Variants in CACNA1E observed in about 807,000 individuals in gnomAD.
CACNA1E encodes calcium voltage-gated channel subunit alpha1 E.
A neutral mutation model predicts 259.2 loss-of-function variants in CACNA1E; 40 were observed. That is an observed-to-expected ratio of 0.15 (90% CI 0.12 to 0.20). The LOEUF (loss-of-function observed/expected upper bound fraction) is 0.20, where lower values mean the gene tolerates loss of function less well. CACNA1E is among the 10% of genes least tolerant of loss of function. CACNA1E has a pLI of 1.00. For synonymous variants in CACNA1E, 1,104 were observed against 1,138.5 expected, an observed-to-expected ratio of 0.97 and a Z score of 0.61; for missense variants, 1,874 against 3,040.1, an observed-to-expected ratio of 0.62 and a Z score of 9.02.
At chr1:181,761,013 C>T (rs186422631) in intron 32 of CACNA1E, among the ~76,000 whole-genome samples, 11 of 152,290 alleles carry the variant, frequency 7.2e-5, no homozygotes, top group Admixed American at 6.5e-4. Flanking sequence ...TTGAGGAATT[C>T]GGAGACTTAA....
chr1:181,606,359 CCTT>C (rs1654237419), intron 6 of CACNA1E, among the ~76,000 whole-genome samples: 2 of 152,122 alleles, frequency 1.3e-5, no homozygotes, highest in Non-Finnish European at 2.9e-5. Context: ...CTCACATTGT[CCTT>C]CTTTTTCCCT....
chr1:181,764,896 T>G (rs571181530), intron 34 of CACNA1E, among the ~76,000 whole-genome samples: 3 of 152,146 alleles, frequency 2.0e-5, no homozygotes, highest in Admixed American at 1.3e-4. Flanking sequence ...CATACACTAT[T>G]GAGGGCAAAG....
At chr1:181,535,378 A>G (rs1470059465) in intron 3 of CACNA1E, among the ~76,000 whole-genome samples, 1 of 135,532 alleles carries the variant, frequency 7.4e-6, no homozygotes, top group Non-Finnish European at 1.6e-5. Flanking sequence ...GGCAGCAAAG[A>G]GAAAAAATGT....
At chr1:181,534,810 A>C (rs1361818815) in intron 3 of CACNA1E, among the ~76,000 whole-genome samples, 4 of 152,192 alleles carry the variant, frequency 2.6e-5, no homozygotes, top group Non-Finnish European at 4.4e-5. Flanking sequence ...AGTAGAAGTA[A>C]GTCCTGACTT....
At chr1:181,337,263 C>T (rs922814747) in intron 1 of CACNA1E, among the ~76,000 whole-genome samples, 1 of 151,764 alleles carries the variant, frequency 6.6e-6, no homozygotes, top group Non-Finnish European at 1.5e-5. Flanking sequence ...TCACGCCATT[C>T]TCCTGCCTCA....
intron 1 of CACNA1E, among the ~76,000 whole-genome samples, chr1:181,353,263 G>A (rs572401014): frequency 6.8e-4 from 104 of 152,290 alleles, no homozygotes; most frequent in African/African-American, 2.3e-3. Flanking sequence ...TGTGGGTCAG[G>A]CTCTGGGGAT....
At chr1:181,510,651 C>A in intron 2 of CACNA1E, 69 bp downstream of exon 2, 3 of 986,948 alleles carry the variant, frequency 3.0e-6, no homozygotes, top group Non-Finnish European at 4.8e-6. Context: ...TCTGCTTTAT[C>A]ACTCTCCCAT....
chr1:181,717,928 C>A (rs1654055347), intron 11 of CACNA1E, 127 bp from the exon 12 acceptor site: 4 of 614,894 alleles, frequency 6.5e-6, no homozygotes, highest in Non-Finnish European at 1.2e-5. Context: ...CCAGCCCTGG[C>A]CTGATGTGGC....
At chr1:181,323,926 C>T (rs527640311) in intron 1 of CACNA1E, among the ~76,000 whole-genome samples, 1 of 152,328 alleles carries the variant, frequency 6.6e-6, no homozygotes, top group South Asian at 2.1e-4. Flanking sequence ...GCCTTCCAAC[C>T]TCAGAACCTG....
chr1:181,392,100 G>A (rs964216747), intron 1 of CACNA1E, among the ~76,000 whole-genome samples: 1 of 152,082 alleles, frequency 6.6e-6, no homozygotes. Flanking sequence ...GTCTGTGGTA[G>A]ATCAGCACAG....
intron 1 of CACNA1E, among the ~76,000 whole-genome samples, chr1:181,330,694 G>C (rs1039375673): frequency 2.0e-5 from 3 of 152,186 alleles, no homozygotes; most frequent in Non-Finnish European, 4.4e-5. Context: ...TGTCAGAAAA[G>C]CAAGAGCTAA....
At chr1:181,489,574 G>A (rs1377791500) in intron 1 of CACNA1E, among the ~76,000 whole-genome samples, 2 of 152,172 alleles carry the variant, frequency 1.3e-5, no homozygotes, top group Non-Finnish European at 2.9e-5. Flanking sequence ...ACCCAGCCCT[G>A]TTACATTTGA....
At chr1:181,324,255 G>GA (rs1324601361) in intron 1 of CACNA1E, among the ~76,000 whole-genome samples, 3 of 151,926 alleles carry the variant, frequency 2.0e-5, no homozygotes, top group African/African-American at 4.8e-5. Context: ...AGTAGATTTA[G>GA]AAAAAAAATC....
chr1:181,720,091 C>T (rs1024431812), intron 13 of CACNA1E, 115 bp from the exon 14 acceptor site: 13 of 1,281,526 alleles, frequency 1.0e-5, no homozygotes, highest in African/African-American at 1.5e-5. Context: ...TCTTTACTTC[C>T]TACAAATATA....
intron 3 of CACNA1E, among the ~76,000 whole-genome samples, chr1:181,524,869 G>A (rs755331751): frequency 6.6e-6 from 1 of 152,276 alleles, no homozygotes; most frequent in Non-Finnish European, 1.5e-5. Flanking sequence ...GGGAAGGAGA[G>A]CATCAATTTT....
At chr1:181,753,003 C>T (rs1201616621) in intron 27 of CACNA1E, among the ~76,000 whole-genome samples, 2 of 152,216 alleles carry the variant, frequency 1.3e-5, no homozygotes. Flanking sequence ...GAAGCTGAGG[C>T]TCCATGGGAG....
intron 16 of CACNA1E, among the ~76,000 whole-genome samples, chr1:181,723,870 A>G (rs544818882): frequency 3.3e-4 from 51 of 152,318 alleles, no homozygotes; most frequent in Admixed American, 2.9e-3. Flanking sequence ...AGGAACCTCC[A>G]CATGTTCAGC....
intron 3 of CACNA1E, among the ~76,000 whole-genome samples, chr1:181,554,059 G>A (rs1158630268): frequency 6.6e-6 from 1 of 152,106 alleles, no homozygotes; most frequent in East Asian, 1.9e-4. Context: ...CATGCAGGCT[G>A]GAGTGCAGTG....
At chr1:181,371,231 T>C (rs1168041580) in intron 1 of CACNA1E, among the ~76,000 whole-genome samples, 1 of 152,190 alleles carries the variant, frequency 6.6e-6, no homozygotes, top group African/African-American at 2.4e-5. Flanking sequence ...TGTTTATTGA[T>C]GTCTTCTTTT....
Sources: gnomAD v4.1 joint callset for allele counts (sites outside exome capture counted in the v4.1 genomes callset) on GRCh38, gnomAD v4.1.1 for gene constraint, MANE v1.5 for transcripts, NCBI Gene and HGNC (gene_info 2026-07-23, HGNC 2026-07-21) for gene names.